ZNF83: variants seen among roughly 807,000 people sequenced by gnomAD.
The protein encoded by ZNF83 is zinc finger protein 83.
For synonymous variants in ZNF83, 209 were observed against 213.0 expected, an observed-to-expected ratio of 0.98 and a Z score of 0.17; for missense variants, 552 against 629.9, an observed-to-expected ratio of 0.88 and a Z score of 1.32.
chr19:52,662,925 G>A (rs1220512167), intron 1 of ZNF83, among the ~76,000 whole-genome samples: 3 of 152,188 alleles, frequency 2.0e-5, no homozygotes, highest in Non-Finnish European at 4.4e-5. Flanking sequence ...CACTTTGGGA[G>A]GCTGACAGGG....
intron 1 of ZNF83, among the ~76,000 whole-genome samples, chr19:52,666,484 C>A (rs542734018): frequency 8.5e-5 from 13 of 152,054 alleles, no homozygotes; most frequent in East Asian, 3.9e-4. Flanking sequence ...AATCCTTAAC[C>A]CAGTAAACCG....
chr19:52,653,727 A>G (rs2061472682), intron 3 of ZNF83, among the ~76,000 whole-genome samples: 1 of 152,220 alleles, frequency 6.6e-6, no homozygotes, highest in African/African-American at 2.4e-5. Context: ...AACACTCATT[A>G]CACTTGTAAG....
In ZNF83 at chr19:52,628,180, C is replaced by T. The variant is rs138615428; in HGVS notation, c.-234+6886G>A. ...AAGCCTGTTTGGTGGTCTCTTCACA[C>T]GGACACGCATGAAATTTGGTGCCAT... On this transcript the variant is annotated intron_variant, in intron 2 of 2. Coordinates refer to ENST00000301096, the Ensembl canonical transcript of ZNF83. Among the ~76,000 whole-genome samples, 718 of 152,242 alleles carry T rather than the reference C, an allele frequency of 4.7e-3. 7 individuals carry two copies. The highest frequency in any genetic ancestry group is 0.016 in the African/African-American group (654 of 41,546).
chr19:52,660,133 T>C (rs72626259), intron 2 of ZNF83, among the ~76,000 whole-genome samples: 1 of 70,034 alleles, frequency 1.4e-5, no homozygotes. Context: ...GTGGTAAGAA[T>C]CATGGTGGTA....
intron 1 of ZNF83, among the ~76,000 whole-genome samples, chr19:52,681,060 A>T (rs1461919332): frequency 6.6e-6 from 1 of 151,802 alleles, no homozygotes; most frequent in African/African-American, 2.4e-5. Context: ...CAAGCCGGGC[A>T]GATCATTTGA....
chr19:52,624,006 G>T (rs1248096583), intron 2 of ZNF83, among the ~76,000 whole-genome samples: 1 of 151,848 alleles, frequency 6.6e-6, no homozygotes, highest in African/African-American at 2.4e-5. Flanking sequence ...CTATTCCCCT[G>T]CACCCCTCAT....
intron 1 of ZNF83, among the ~76,000 whole-genome samples, chr19:52,665,242 A>G (rs2061634089): frequency 6.6e-6 from 1 of 152,002 alleles, no homozygotes. Context: ...GAGTGAGGTC[A>G]CCACCTGCTG....
chr19:52,653,952 AT>A, intron 3 of ZNF83: 1 of 1,224,734 alleles, frequency 8.2e-7, no homozygotes. Context: ...ATAATGAAGA[AT>A]GGAGAAAGTT....
At chr19:52,641,432 T>C (rs1259535722), upstream of ZNF83, among the ~76,000 whole-genome samples, 2 of 152,244 alleles carry the variant, frequency 1.3e-5, no homozygotes, top group Non-Finnish European at 2.9e-5. Flanking sequence ...GCATGGGTTT[T>C]TATTTTAATC....
intron 1 of ZNF83, among the ~76,000 whole-genome samples, chr19:52,665,065 T>C (rs1291670083): frequency 1.3e-5 from 2 of 152,166 alleles, no homozygotes; most frequent in Non-Finnish European, 2.9e-5. Context: ...AAGTCCTGCC[T>C]GAGCCAAATG....
chr19:52,629,919 A>C (rs1469692191), intron 2 of ZNF83, among the ~76,000 whole-genome samples: 1 of 151,556 alleles, frequency 6.6e-6, no homozygotes, highest in Non-Finnish European at 1.5e-5. Flanking sequence ...TAATAGAAAA[A>C]AGTTGCAATT....
intron 1 of ZNF83, among the ~76,000 whole-genome samples, chr19:52,671,548 A>G (rs2061726289): frequency 6.6e-6 from 1 of 151,918 alleles, no homozygotes. Context: ...TGCTCAAGCA[A>G]TCCTCCCGCC....
At chr19:52,626,576 C>T (rs1954994711) in intron 2 of ZNF83, among the ~76,000 whole-genome samples, 1 of 152,134 alleles carries the variant, frequency 6.6e-6, no homozygotes, top group Admixed American at 6.5e-5. Flanking sequence ...CTTATTCAGG[C>T]CCTGTGTCTT....
intron 2 of ZNF83, among the ~76,000 whole-genome samples, chr19:52,629,054 C>T (rs911218872): frequency 5.3e-5 from 8 of 151,970 alleles, no homozygotes; most frequent in East Asian, 1.9e-4. Context: ...CTCCATTCCT[C>T]CTTCTCCCTT....
At chr19:52,663,305 TACAC>T (rs1021145327) in intron 1 of ZNF83, among the ~76,000 whole-genome samples, 9 of 152,144 alleles carry the variant, frequency 5.9e-5, no homozygotes, top group African/African-American at 2.2e-4. Context: ...ACGTTCAAAA[TACAC>T]ACAATTGTGA....
intron 2 of ZNF83, chr19:52,617,890 C>G (rs989601509): frequency 6.6e-6 from 1 of 152,318 alleles, no homozygotes; most frequent in Non-Finnish European, 1.5e-5. Flanking sequence ...GATCCCCAGC[C>G]CTATGTTTCT....
At chr19:52,657,043 A>G (rs897053956) in intron 2 of ZNF83, among the ~76,000 whole-genome samples, 2 of 151,734 alleles carry the variant, frequency 1.3e-5, no homozygotes, top group African/African-American at 4.8e-5. Flanking sequence ...TTGAGCCTGG[A>G]GAGCAGAGTT....
chr19:52,630,789 A>G (rs1431086108), intron 2 of ZNF83, among the ~76,000 whole-genome samples: 1 of 152,108 alleles, frequency 6.6e-6, no homozygotes, highest in African/African-American at 2.4e-5. Context: ...CTTTAAAAAT[A>G]TTAAAGCCTG....
chr19:52,650,786 T>C (rs957171889), intron 3 of ZNF83: 12 of 152,360 alleles, frequency 7.9e-5, no homozygotes, highest in Middle Eastern at 3.4e-3. Context: ...AGTGGCCTAA[T>C]GGCAAAGTTA....
Sources: allele counts gnomAD v4.1 joint callset (sites outside exome capture counted in the v4.1 genomes callset), GRCh38; gene constraint gnomAD v4.1.1; transcripts MANE v1.5; gene names NCBI Gene and HGNC (gene_info 2026-07-23, HGNC 2026-07-21).